The following CCDC73 variants were observed in gnomAD, a reference collection of about 807,000 sequenced individuals.
The protein encoded by CCDC73 is coiled-coil domain containing 73.
Under a neutral mutation model 116.5 loss-of-function variants are expected in CCDC73, and 95 were observed. The ratio of observed to expected loss-of-function variants is 0.82; its 90% CI spans 0.69 to 0.97. The LOEUF (loss-of-function observed/expected upper bound fraction) is 0.97, where lower values mean the gene tolerates loss of function less well. CCDC73 is among the 50% of genes least tolerant of loss of function. The pLI is 0.00. For synonymous variants in CCDC73, 398 were observed against 401.3 expected (o/e 0.99, Z 0.10); for missense variants, 1,066 against 1,206.8 (o/e 0.88, Z 1.73).
chr11:32,716,359 A>T (rs1849944328), intron 3 of CCDC73, among the ~76,000 whole-genome samples: 1 of 152,140 alleles, frequency 6.6e-6, no homozygotes. Flanking sequence ...CTATTTCTAG[A>T]TTCTGTTGTG....
At chr11:32,625,776 A>G (rs923654207) in intron 14 of CCDC73, among the ~76,000 whole-genome samples, 7 of 152,086 alleles carry the variant, frequency 4.6e-5, no homozygotes, top group African/African-American at 2.4e-5. Context: ...ACAAAATTCA[A>G]CAGCCCTTCA....
intron 7 of CCDC73, chr11:32,679,998 C>T (rs936263644): frequency 5.3e-5 from 8 of 152,304 alleles, no homozygotes; most frequent in African/African-American, 1.9e-4. Flanking sequence ...TTTTCAAACA[C>T]ATTAGCCTAT....
chr11:32,647,953 C>T (rs1490003161), intron 12 of CCDC73, among the ~76,000 whole-genome samples: 1 of 152,110 alleles, frequency 6.6e-6, no homozygotes, highest in East Asian at 1.9e-4. Context: ...TAATATCTAA[C>T]AACCAGCCCC....
intron 3 of CCDC73, among the ~76,000 whole-genome samples, chr11:32,708,579 T>C (rs1849874134): frequency 6.6e-6 from 1 of 152,220 alleles, no homozygotes; most frequent in African/African-American, 2.4e-5. Context: ...GTGATTTCTT[T>C]CAGTGGTGTT....
chr11:32,605,836 C>T (rs1158731807), intron 17 of CCDC73: 3 of 152,168 alleles, frequency 2.0e-5, no homozygotes, highest in Non-Finnish European at 4.4e-5. Flanking sequence ...TGCCTTGTAT[C>T]TTCGTTCTTT....
chr11:32,628,180 T>C (rs573249565), intron 14 of CCDC73, among the ~76,000 whole-genome samples: 29 of 152,092 alleles, frequency 1.9e-4, no homozygotes, highest in East Asian at 5.8e-4. Context: ...ACAGGGAAAA[T>C]TGCGTTCTCT....
intron 2 of CCDC73, among the ~76,000 whole-genome samples, chr11:32,751,314 G>A (rs748743581): frequency 3.9e-5 from 6 of 152,228 alleles, no homozygotes; most frequent in East Asian, 3.9e-4. Context: ...TTGCCACCCC[G>A]ACTGGTGTGT....
chr11:32,740,030 C>T (rs1391336371), intron 2 of CCDC73, among the ~76,000 whole-genome samples: 1 of 152,088 alleles, frequency 6.6e-6, no homozygotes, highest in African/African-American at 2.4e-5. Context: ...ATAAATCCCA[C>T]TTGGTCATGA....
chr11:32,690,199 C>T (rs556507719), intron 6 of CCDC73, among the ~76,000 whole-genome samples: 30 of 152,058 alleles, frequency 2.0e-4, no homozygotes, highest in African/African-American at 6.3e-4. Context: ...TTAATTTTCA[C>T]GTCACAAAAT....
chr11:32,668,099 G>A (rs988446743), intron 9 of CCDC73, among the ~76,000 whole-genome samples: 2 of 152,158 alleles, frequency 1.3e-5, no homozygotes, highest in African/African-American at 4.8e-5. Context: ...ACCAGTATTT[G>A]AGCATCTACC....
chr11:32,785,319 A>G (rs982771513), intron 1 of CCDC73, among the ~76,000 whole-genome samples: 1 of 152,368 alleles, frequency 6.6e-6, no homozygotes, highest in Admixed American at 6.5e-5. Flanking sequence ...TATTTCTTAC[A>G]GTGGCTCACT....
intron 3 of CCDC73, 51 bp from the exon 4 acceptor site, chr11:32,702,995 T>G (rs762984331): frequency 1.1e-5 from 13 of 1,185,430 alleles, no homozygotes; most frequent in Middle Eastern, 1.9e-4. Flanking sequence ...CAACTCTCTT[T>G]CAGCTTTAAA....
At chr11:32,731,572 AG>A (rs1312220941) in intron 2 of CCDC73, among the ~76,000 whole-genome samples, 1 of 152,204 alleles carries the variant, frequency 6.6e-6, no homozygotes, top group African/African-American at 2.4e-5. Context: ...AAGCTTCCAG[AG>A]GAACAATCAG....
intron 1 of CCDC73, among the ~76,000 whole-genome samples, chr11:32,769,044 TAA>T (rs1234852391): frequency 6.6e-6 from 1 of 152,110 alleles, no homozygotes; most frequent in Non-Finnish European, 1.5e-5. Flanking sequence ...GTCAAAAATT[TAA>T]AAGTTTGACA....
chr11:32,693,778 G>A (rs891750252), intron 6 of CCDC73, among the ~76,000 whole-genome samples: 4 of 152,172 alleles, frequency 2.6e-5, no homozygotes, highest in African/African-American at 4.8e-5. Context: ...ATCAATAAAC[G>A]TAATCCATCA....
chr11:32,822,310 C>A, the CCDC73 span, among the ~76,000 whole-genome samples: 1 of 152,156 alleles, frequency 6.6e-6, no homozygotes, highest in Non-Finnish European at 1.5e-5. Context: ...ATGTAGGTAA[C>A]CACATGCTTG....
chr11:32,627,669 A>G (rs908709478), intron 14 of CCDC73, among the ~76,000 whole-genome samples: 5 of 152,206 alleles, frequency 3.3e-5, no homozygotes, highest in Non-Finnish European at 7.3e-5. Flanking sequence ...TGTCCTTTGT[A>G]GGAACACGGA....
At chr11:32,787,786 A>C (rs1211136462) in intron 1 of CCDC73, among the ~76,000 whole-genome samples, 1 of 152,216 alleles carries the variant, frequency 6.6e-6, no homozygotes, top group African/African-American at 2.4e-5. Context: ...AAAAAGATAC[A>C]GAACAATCAA....
At chr11:32,748,993 G>A (rs1327246680) in intron 2 of CCDC73, among the ~76,000 whole-genome samples, 1 of 152,160 alleles carries the variant, frequency 6.6e-6, no homozygotes, top group Non-Finnish European at 1.5e-5. Context: ...ACCTTTGGGA[G>A]TGTGATTATT....
Sources: gnomAD v4.1 joint callset for allele counts (sites outside exome capture counted in the v4.1 genomes callset) on GRCh38, gnomAD v4.1.1 for gene constraint, MANE v1.5 for transcripts, NCBI Gene and HGNC (gene_info 2026-07-23, HGNC 2026-07-21) for gene names.